The following DACH2 variants were observed in gnomAD, a reference collection of about 807,000 sequenced individuals.
DACH2 encodes the protein dachshund homolog 2.
A neutral mutation model predicts 35.8 loss-of-function variants in DACH2; 17 were observed. The observed-to-expected ratio is 0.48, with a 90% confidence interval of 0.33 to 0.71. DACH2 has a LOEUF of 0.71. DACH2 is among the 30% of genes least tolerant of loss of function. The probability of loss-of-function intolerance (pLI) is 0.02; values close to 1 mark genes in which losing one functional copy is unlikely to be tolerated. For missense variants in DACH2, 469 were observed against 472.7 expected (o/e 0.99, Z 0.07); for synonymous variants, 195 against 177.3 (o/e 1.10, Z -0.79).
At chrX:86,212,809 A>G (rs1168570580) in intron 1 of DACH2, among the ~76,000 whole-genome samples, 1 of 111,477 alleles carries the variant, frequency 9.0e-6, no homozygotes, top group Non-Finnish European at 1.9e-5. Flanking sequence ...TGTGTTCTAA[A>G]TGCTCTGAAA....
chrX:86,562,061 A>G (rs964719746), intron 3 of DACH2, among the ~76,000 whole-genome samples: 3 of 110,097 alleles, frequency 2.7e-5, no homozygotes, highest in Non-Finnish European at 5.7e-5. Context: ...TTATATTCCA[A>G]AGGTAAAGCT....
At chrX:86,660,569 T>G (rs780398682) in intron 4 of DACH2, among the ~76,000 whole-genome samples, 33 of 112,053 alleles carry the variant, frequency 2.9e-4, no homozygotes, top group Non-Finnish European at 5.5e-4. Context: ...GTTGAGAGAT[T>G]GTGTTCATAA....
At chrX:86,594,623 T>G (rs2039690099) in intron 3 of DACH2, among the ~76,000 whole-genome samples, 2 of 111,655 alleles carry the variant, frequency 1.8e-5, no homozygotes, top group South Asian at 7.4e-4. Flanking sequence ...CATATTGGGG[T>G]TTTCCAGGTA....
intron 1 of DACH2, among the ~76,000 whole-genome samples, chrX:86,286,113 C>CTTTTT (rs2034140127): frequency 1.5e-5 from 1 of 67,383 alleles, no homozygotes; most frequent in African/African-American, 5.3e-5. Context: ...TTCAGCCAGT[C>CTTTTT]TGTTTTTTTT....
chrX:86,205,455 TCCCTCCCTCCCTCCTTCCCTCCTTCCC>T (rs2032269654), intron 1 of DACH2, among the ~76,000 whole-genome samples: 3 of 29,301 alleles, frequency 1.0e-4, no homozygotes, highest in African/African-American at 9.3e-4. Context: ...CCTCCCTCCC[TCCCTCCCTCCCTCCTTCCCTCCTTCCC>T]TCCTTCCCTC....
chrX:86,176,507 A>T (rs1034332681), intron 1 of DACH2, among the ~76,000 whole-genome samples: 3 of 111,301 alleles, frequency 2.7e-5, no homozygotes, highest in African/African-American at 6.5e-5. Flanking sequence ...GTTGCTAAGG[A>T]TTAAGAGAGG....
chrX:86,618,191 A>G (rs2040028826), intron 3 of DACH2, among the ~76,000 whole-genome samples: 1 of 111,868 alleles, frequency 8.9e-6, no homozygotes, highest in Non-Finnish European at 1.9e-5. Flanking sequence ...CTTGAGCCCA[A>G]GAGTTCGAGG....
chrX:86,829,192 G>A (rs1190301630), intron 11 of DACH2: 4 of 112,092 alleles, frequency 3.6e-5, no homozygotes, highest in East Asian at 5.6e-4. Context: ...GCTGTAGAAG[G>A]TCTGCTTATA....
Position 86,375,756 on chromosome X carries a change from G to A in DACH2, c.489-1068G>A, listed in dbSNP as rs980252923. Reference sequence around the variant, plus strand: ...GATATATTTTCATTTTTTTTAGAACGCTCTCTACAGACTTTGAGCAGAGAA... The same window carrying A: ...GATATATTTTCATTTTTTTTAGAACACTCTCTACAGACTTTGAGCAGAGAA... On this transcript the variant is annotated intron_variant, in intron 1 of 11. Coordinates refer to ENST00000373125, the MANE Select transcript of DACH2 (RefSeq NM_053281.3). Among the ~76,000 whole-genome samples the A allele has an allele frequency of 1.7e-4, 19 of 108,648 alleles. 2 individuals are homozygous for A. In the Admixed American group the frequency reaches 1.8e-3, roughly 10 times the overall value. The allele number at this position is 108,648 out of a possible 115,157, so 94.3% of individuals were successfully genotyped here.
intron 1 of DACH2, among the ~76,000 whole-genome samples, chrX:86,200,052 C>T (rs1270386545): frequency 6.3e-5 from 7 of 111,312 alleles, no homozygotes; most frequent in Middle Eastern, 4.6e-3. Context: ...CTATGCTACA[C>T]GGCAACAGTA....
chrX:86,413,254 G>T (rs2036644366), intron 2 of DACH2, among the ~76,000 whole-genome samples: 2 of 112,166 alleles, frequency 1.8e-5, no homozygotes, highest in South Asian at 7.5e-4. Context: ...GAAGGAAAAA[G>T]CAATAGAAGT....
chrX:86,810,681 G>C (rs1260420271), intron 7 of DACH2, among the ~76,000 whole-genome samples: 1 of 111,470 alleles, frequency 9.0e-6, no homozygotes, highest in Non-Finnish European at 1.9e-5. Context: ...TAATTGTTGA[G>C]AAATGTGCCT....
At chrX:86,681,618 T>G (rs1034166679) in intron 4 of DACH2, among the ~76,000 whole-genome samples, 2 of 104,865 alleles carry the variant, frequency 1.9e-5, no homozygotes, top group Non-Finnish European at 3.9e-5. Flanking sequence ...TCTATATATA[T>G]ATATAATTAT....
At chrX:86,271,073 CAT>C (rs1332115013) in intron 1 of DACH2, among the ~76,000 whole-genome samples, 2 of 111,655 alleles carry the variant, frequency 1.8e-5, no homozygotes, top group Non-Finnish European at 3.8e-5. Context: ...TTACAGAACT[CAT>C]AGTCTTTTGT....
At chrX:86,390,365 A>G (rs1016212914) in intron 2 of DACH2, among the ~76,000 whole-genome samples, 3 of 111,258 alleles carry the variant, frequency 2.7e-5, no homozygotes, top group Non-Finnish European at 5.7e-5. Context: ...CTTATACAGG[A>G]GGCGGGAGAA....
Position 86,290,702 on chromosome X carries a change from T to A in DACH2, c.489-86122T>A, listed in dbSNP as rs1192280440. On this transcript the variant is annotated intron_variant, in intron 1 of 11. Coordinates refer to ENST00000373125, the MANE Select transcript of DACH2 (RefSeq NM_053281.3). ...GGAATCCTTTCCCCATTGCTTGTTT[T>A]TCTCAGGTTTGTCAAAGATCAGATA... Among the ~76,000 whole-genome samples, 4 of 101,927 alleles carry A rather than the reference T, an allele frequency of 3.9e-5. No individual in the cohort carries two copies. In the East Asian group the frequency reaches 9.5e-4, roughly 24 times the overall value. The allele number at this position is 101,927 out of a possible 115,157, so 88.5% of individuals were successfully genotyped here. A position where few individuals can be genotyped will look rare whatever the true frequency, so the allele number is the denominator to read the frequency against.
At chrX:86,190,431 A>G (rs2031797739) in intron 1 of DACH2, among the ~76,000 whole-genome samples, 1 of 110,887 alleles carries the variant, frequency 9.0e-6, no homozygotes, top group African/African-American at 3.3e-5. Context: ...ATCTACTTCA[A>G]TTTTCCTGAA....
rs1452170381 is a variant in DACH2, at chrX:86,812,940, TC to T, written c.1328del (p.Pro443LeufsTer17). On this transcript the variant is annotated frameshift_variant, in exon 8 of 12. Transcript: ENST00000373125. LOFTEE classifies it high-confidence loss of function. The stretch of plus-strand genomic sequence containing the variant: ...CCTGGGCAGGCATTGCCCGCTGGAT[TC>T]CCTGGACCATTCATTTTTGCTGATA... ...LTPGQALPAGFPGPFIFADSL... is the reference protein window; with the variant it reads ...LTPGQALPAGXPGPFIFADSL... 8.3e-7 allele frequency: 1 copy of T among 1,209,084 alleles called. No homozygotes were observed. The highest frequency in any genetic ancestry group is 1.1e-6 in the Non-Finnish European group (1 of 893,688).
At chrX:86,284,605 T>G (rs1034199387) in intron 1 of DACH2, among the ~76,000 whole-genome samples, 1 of 107,201 alleles carries the variant, frequency 9.3e-6, no homozygotes, top group Non-Finnish European at 1.9e-5. Context: ...ATCAGAGTAG[T>G]ACTGGTTTCA....
Sources: allele counts gnomAD v4.1 joint callset (sites outside exome capture counted in the v4.1 genomes callset), GRCh38; gene constraint gnomAD v4.1.1; transcripts MANE v1.5; gene names NCBI Gene and HGNC (gene_info 2026-07-23, HGNC 2026-07-21).